Variants in TIAM1 observed in about 807,000 individuals in gnomAD.
The protein encoded by TIAM1 is TIAM Rac1 associated GEF 1.
TIAM1 carries 65 observed loss-of-function variants against 163.5 expected under a neutral mutation model. The observed-to-expected ratio is 0.40, with a 90% confidence interval of 0.33 to 0.49. The LOEUF (loss-of-function observed/expected upper bound fraction) is 0.49. TIAM1 is among the 20% of genes least tolerant of loss of function. TIAM1 has a pLI of 0.77. For missense variants in TIAM1, 1,789 were observed against 2,044.7 expected (o/e 0.87, Z 2.41); for synonymous variants, 833 against 810.1 (o/e 1.03, Z -0.48).
At position 31,430,225 on chromosome 21, in the gene TIAM1, AATAT is replaced by A. The variant is rs35708801; in HGVS notation, c.-369+33754_-369+33757del. 7.1e-3 allele frequency among the ~76,000 whole-genome samples: 644 copies of A among 90,182 alleles called. 12 individuals are homozygous for A. The highest frequency in any genetic ancestry group is 0.032 in the African/African-American group (559 of 17,288). 59.2% of individuals were successfully genotyped at this position (90,182 alleles called of 152,430 possible). A position where few individuals can be genotyped will look rare whatever the true frequency, so the allele number is the denominator to read the frequency against. ...CCATCTCAAAGAAAAAAAAAAAAAA[AATAT>A]ATATATATATATATATATACACACA... On this transcript the variant is annotated intron_variant, in intron 2 of 28. Coordinates refer to the TIAM1 transcript ENST00000286827.
At chr21:31,533,040 C>T (rs1029288012) in intron 1 of TIAM1, among the ~76,000 whole-genome samples, 1 of 152,198 alleles carries the variant, frequency 6.6e-6, no homozygotes, top group African/African-American at 2.4e-5. Context: ...TCAGGCCAGG[C>T]GTATCTCAAC....
intron 8 of TIAM1, among the ~76,000 whole-genome samples, chr21:31,217,939 G>A (rs144347079): frequency 1.3e-5 from 2 of 152,278 alleles, no homozygotes; most frequent in East Asian, 1.9e-4. Flanking sequence ...GAAATCATCA[G>A]CAAAAATACA....
chr21:31,192,558 C>G (rs1453937517), intron 13 of TIAM1, among the ~76,000 whole-genome samples: 3 of 151,972 alleles, frequency 2.0e-5, no homozygotes, highest in African/African-American at 7.3e-5. Context: ...TTGGAGTGAG[C>G]TGAGATCGCG....
chr21:31,489,487 AAG>A (rs374028144), intron 1 of TIAM1, among the ~76,000 whole-genome samples: 3 of 126,556 alleles, frequency 2.4e-5, no homozygotes, highest in Non-Finnish European at 4.8e-5. Flanking sequence ...AGATGAAAGA[AAG>A]AGAGAGAGGG....
At chr21:31,356,114 T>C (rs568655452) in intron 2 of TIAM1, among the ~76,000 whole-genome samples, 2 of 152,272 alleles carry the variant, frequency 1.3e-5, no homozygotes, top group Admixed American at 1.3e-4. Context: ...GTCTGAGGTC[T>C]CTTCTTTAAC....
At chr21:31,383,477 G>A (rs1195448799) in intron 2 of TIAM1, among the ~76,000 whole-genome samples, 1 of 152,106 alleles carries the variant, frequency 6.6e-6, no homozygotes, top group Admixed American at 6.6e-5. Flanking sequence ...TCCTTTCCCA[G>A]GCACCTCTTC....
At chr21:31,239,098 T>C (rs1336666494) in intron 6 of TIAM1, among the ~76,000 whole-genome samples, 1 of 151,960 alleles carries the variant, frequency 6.6e-6, no homozygotes, top group East Asian at 1.9e-4. Context: ...AATTAACAAA[T>C]AAAAACCATG....
chr21:31,222,273 A>G (rs963518788), intron 8 of TIAM1, among the ~76,000 whole-genome samples: 8 of 152,202 alleles, frequency 5.3e-5, no homozygotes, highest in African/African-American at 7.2e-5. Context: ...TTAACATTTA[A>G]TTCTCTAGCA....
intron 2 of TIAM1, among the ~76,000 whole-genome samples, chr21:31,324,728 A>C (rs776631953): frequency 6.6e-6 from 1 of 152,232 alleles, no homozygotes; most frequent in Non-Finnish European, 1.5e-5. Flanking sequence ...AAAAGCAAAG[A>C]GATTAACTGC....
intron 17 of TIAM1, 150 bp from the exon 18 acceptor site, chr21:31,153,284 G>T: frequency 1.7e-6 from 1 of 591,664 alleles, no homozygotes; most frequent in Non-Finnish European, 2.7e-6. Context: ...AGAGACTTTA[G>T]GTCGTTAAGG....
chr21:31,449,496 G>A (rs1036581663), intron 2 of TIAM1, among the ~76,000 whole-genome samples: 5 of 151,600 alleles, frequency 3.3e-5, no homozygotes, highest in South Asian at 2.1e-4. Flanking sequence ...CTCCTGCCTC[G>A]GCCTCCTGAG....
rs1347496515 is a variant in TIAM1, at chr21:31,228,153, C to T, written c.1585-2203G>A. ...GTCTCAATCTCTTGACCTCATGATC[C>T]GCCTGCCTCAGCCTCCCAAAGTGCT... is the stretch of plus-strand genomic sequence containing the variant. On this transcript the variant is annotated intron_variant, in intron 6 of 27. Transcript: ENST00000541036. 3.0e-4 allele frequency among the ~76,000 whole-genome samples: 41 copies of T among 135,354 alleles called. 1 individual carries two copies. Among genetic ancestry groups the T allele is most frequent in the Middle Eastern group, 4.3e-3 (1 of 234 alleles). 88.8% of individuals were successfully genotyped at this position (135,354 alleles called of 152,430 possible).
chr21:31,244,554 G>T (rs1050723137), intron 6 of TIAM1, among the ~76,000 whole-genome samples: 1 of 152,124 alleles, frequency 6.6e-6, no homozygotes, highest in African/African-American at 2.4e-5. Context: ...GTGAAACCCC[G>T]TATCTACTGA....
intron 16 of TIAM1, among the ~76,000 whole-genome samples, chr21:31,155,859 T>G (rs933506846): frequency 1.3e-5 from 2 of 152,192 alleles, no homozygotes; most frequent in African/African-American, 4.8e-5. Flanking sequence ...CTGCTTCTAT[T>G]GTCTAATTCA....
At chr21:31,160,356 C>T (rs2083852624) in intron 16 of TIAM1, 1 of 398,210 alleles carries the variant, frequency 2.5e-6, no homozygotes. Flanking sequence ...GGTGTAATCA[C>T]TGTCATTCGG....
intron 2 of TIAM1, among the ~76,000 whole-genome samples, chr21:31,393,262 T>G (rs1051887188): frequency 6.6e-6 from 1 of 152,238 alleles, no homozygotes; most frequent in Non-Finnish European, 1.5e-5. Flanking sequence ...AGCCCTCGCT[T>G]TAAAAATTAC....
chr21:31,554,631 G>T (rs181083513), intron 1 of TIAM1, among the ~76,000 whole-genome samples: 6 of 152,170 alleles, frequency 3.9e-5, no homozygotes, highest in Admixed American at 3.9e-4. Flanking sequence ...AGAGTTCTTC[G>T]ATGAATCATC....
In TIAM1 at chr21:31,118,715, A is replaced by G. The variant is rs1413960394; in HGVS notation, c.*1653T>C. On this transcript the variant is annotated 3_prime_UTR_variant, in exon 28 of 28. Transcript: ENST00000541036. ...AGATGATATGGAAAAATGCAGTGAT[A>G]CAAAGGGTATAGAAACCATTCTAAA... 1 of 465,782 alleles carries G rather than the reference A, an allele frequency of 2.1e-6. No homozygotes were observed. The highest frequency in any genetic ancestry group is 2.4e-5 in the Admixed American group (1 of 41,116). The allele number at this position is 465,782 out of a possible 1,614,324, so 28.9% of individuals were successfully genotyped here. A position where few individuals can be genotyped will look rare whatever the true frequency, so the allele number is the denominator to read the frequency against.
intron 1 of TIAM1, among the ~76,000 whole-genome samples, chr21:31,479,455 AGATGGATGGATG>A (rs948957150): frequency 1.5e-5 from 1 of 67,980 alleles, no homozygotes; most frequent in Non-Finnish European, 3.6e-5. Context: ...ATGGATGGAT[AGATGGATGGATG>A]GATGGATGGA....
Sources: gnomAD v4.1 joint callset for allele counts (sites outside exome capture counted in the v4.1 genomes callset) on GRCh38, gnomAD v4.1.1 for gene constraint, MANE v1.5 for transcripts, NCBI Gene and HGNC (gene_info 2026-07-23, HGNC 2026-07-21) for gene names.